The following PARP15 variants were observed in gnomAD, a reference collection of about 807,000 sequenced individuals.
PARP15 encodes protein mono-ADP-ribosyltransferase PARP15.
Under a neutral mutation model 62.1 loss-of-function variants are expected in PARP15, and 50 were observed. That is an observed-to-expected ratio of 0.81 (90% CI 0.64 to 1.02). The LOEUF is 1.02. Ranked by LOEUF, PARP15 falls within the 50% of genes least tolerant of loss-of-function variation. The pLI is 0.00. For missense variants in PARP15, 820 were observed against 826.5 expected (o/e 0.99, Z 0.10); for synonymous variants, 309 against 293.1 (o/e 1.05, Z -0.55).
intron 1 of PARP15, among the ~76,000 whole-genome samples, chr3:122,588,619 C>T (rs6438752): frequency 0.37 from 56,429 of 151,856 alleles, 10,913 homozygotes; most frequent in Admixed American, 0.46. Flanking sequence ...GATTGCGCCA[C>T]TGCACTCCAG....
At chr3:122,635,702 C>T (rs1937320252) in intron 11 of PARP15, 109 bp from the exon 12 acceptor site, 1 of 1,274,740 alleles carries the variant, frequency 7.8e-7, no homozygotes, top group African/African-American at 1.5e-5. Flanking sequence ...CATGAGCCAA[C>T]ACACCTGGCT....
intron 1 of PARP15, among the ~76,000 whole-genome samples, chr3:122,580,031 A>ATATATATC (rs2080770800): frequency 7.4e-6 from 1 of 134,888 alleles, no homozygotes; most frequent in Non-Finnish European, 1.6e-5. Flanking sequence ...ATATATATAT[A>ATATATATC]TATATGCACG....
chr3:122,622,370 G>A (rs1446745779), intron 8 of PARP15, among the ~76,000 whole-genome samples: 5 of 152,212 alleles, frequency 3.3e-5, no homozygotes, highest in Admixed American at 6.5e-5. Flanking sequence ...GGGCTTTCTC[G>A]TTTCCTCCTT....
At chr3:122,581,680 T>G (rs141503240) in intron 1 of PARP15, among the ~76,000 whole-genome samples, 27 of 152,354 alleles carry the variant, frequency 1.8e-4, no homozygotes, top group African/African-American at 5.8e-4. Context: ...TATTTTCTCC[T>G]GTTCTGTAGG....
rs1553725411 is a variant in PARP15 at position 122,579,999 on chromosome 3, G to GTATGTATA, written c.186+2149_186+2150insGTATATAT. On this transcript the variant is annotated intron_variant, in intron 1 of 11. Coordinates refer to ENST00000464300, the MANE Select transcript of PARP15 (RefSeq NM_001113523.3). The stretch of plus-strand genomic sequence containing the variant: ...GTCTGAACAACAACAGCAACTATAT[G>GTATGTATA]TATATATATATATATATATATATAT... 7.3e-4 allele frequency among the ~76,000 whole-genome samples: 47 copies of GTATGTATA among 64,456 alleles called. 1 individual carries two copies. Among genetic ancestry groups the GTATGTATA allele is most frequent in the African/African-American group, 2.2e-3 (44 of 20,162 alleles). 42.3% of individuals were successfully genotyped at this position (64,456 alleles called of 152,430 possible).
At chr3:122,581,272 T>C (rs934471916) in intron 1 of PARP15, among the ~76,000 whole-genome samples, 1 of 152,262 alleles carries the variant, frequency 6.6e-6, no homozygotes, top group Admixed American at 6.5e-5. Context: ...TTTAATTTTT[T>C]TGGGACTGCC....
intron 1 of PARP15, among the ~76,000 whole-genome samples, chr3:122,584,312 G>C (rs1226638581): frequency 6.6e-6 from 1 of 151,876 alleles, no homozygotes; most frequent in African/African-American, 2.4e-5. Context: ...ACTTAATTTA[G>C]GGTCTTCCAG....
chr3:122,599,275 A>G (rs1418597744), intron 1 of PARP15, among the ~76,000 whole-genome samples: 1 of 152,028 alleles, frequency 6.6e-6, no homozygotes, highest in Non-Finnish European at 1.5e-5. Flanking sequence ...AGCCGAGGTG[A>G]GAGGAAGATC....
Position 122,612,900 on chromosome 3 carries a change from G to T in PARP15, c.544-141G>T. ...CTGGAAAGTACTCTGCCCTGTTTTT[G>T]TTTCCTCTTTCTGACTTCTCAGGCC... is the stretch of plus-strand genomic sequence containing the variant. On this transcript the variant is annotated intron_variant, in intron 3 of 11. Coordinates refer to ENST00000464300, the MANE Select transcript of PARP15 (RefSeq NM_001113523.3). 21 of 700,114 alleles carry T rather than the reference G, an allele frequency of 3.0e-5. No homozygotes were observed. Among genetic ancestry groups the T allele is most frequent in the Admixed American group, 2.9e-4 (11 of 37,834 alleles). The allele number at this position is 700,114 out of a possible 1,614,324, so 43.4% of individuals were successfully genotyped here.
At chr3:122,630,594 G>C (rs1336092415) in intron 9 of PARP15, among the ~76,000 whole-genome samples, 1 of 152,054 alleles carries the variant, frequency 6.6e-6, no homozygotes, top group Admixed American at 6.6e-5. Flanking sequence ...TGGGAGGATT[G>C]CCTGAGCCCA....
intron 1 of PARP15, among the ~76,000 whole-genome samples, chr3:122,589,887 A>ATTT (rs1559928879): frequency 1.5e-5 from 2 of 130,384 alleles, no homozygotes; most frequent in African/African-American, 2.9e-5. Flanking sequence ...GTAAGGCATA[A>ATTT]CTTTTTTTTT....
At chr3:122,606,343 C>G (rs1233114585) in intron 2 of PARP15, among the ~76,000 whole-genome samples, 1 of 152,134 alleles carries the variant, frequency 6.6e-6, no homozygotes, top group East Asian at 1.9e-4. Flanking sequence ...TACTCTCAAC[C>G]CAGTTCTATT....
chr3:122,625,500 C>T (rs548448281), intron 8 of PARP15, among the ~76,000 whole-genome samples: 5 of 152,178 alleles, frequency 3.3e-5, no homozygotes, highest in African/African-American at 4.8e-5. Flanking sequence ...GTGATCTGCA[C>T]GCCTTGGCCT....
Position 122,577,846 on chromosome 3 carries a change from G to A in PARP15, c.179G>A (p.Arg60Gln), listed in dbSNP as rs1358725824. 2.3e-5 allele frequency: 35 copies of A among 1,548,408 alleles called. No homozygotes were observed. The highest frequency in any genetic ancestry group is 2.4e-5 in the East Asian group (1 of 40,890). Residue 60 changes from arginine to glutamine, a missense_variant, in exon 1 of 12, where the codon CGG (arginine) becomes CAG (glutamine). Around this residue, in one of 3 missense-constraint regions of PARP15, gnomAD observed 731 missense variants for 727.7 expected, o/e 1.00. Transcript: ENST00000464300. The part of the protein sequence containing the change: ...ARKASRRSSS[R>Q]SMSRDNKFSK... ...AAGGCCTCCCGGCGCTCTTCCTCCC[G>A]GAGTATGGTGAGGAGCGCGGGGGAC...
rs539651232 is a variant in PARP15 at position 122,600,285 on chromosome 3, T to C, written c.187-5651T>C. On this transcript the variant is annotated intron_variant, in intron 1 of 11. Coordinates refer to ENST00000464300, the MANE Select transcript of PARP15 (RefSeq NM_001113523.3). ...AAAAAGGCAAAAGAGTTCACTTAGA[T>C]GTAAAACCAGACCACTAAGTGATGG... Among the ~76,000 whole-genome samples the C allele has an allele frequency of 8.2e-4, 125 of 152,218 alleles. 1 individual carries two copies. Among genetic ancestry groups the C allele is most frequent in the African/African-American group, 2.8e-3 (116 of 41,542 alleles).
chr3:122,583,308 G>C (rs1179097762), intron 1 of PARP15, among the ~76,000 whole-genome samples: 1 of 149,630 alleles, frequency 6.7e-6, no homozygotes, highest in Non-Finnish European at 1.5e-5. Context: ...TGTATTTTTA[G>C]TAGAGATAGG....
intron 10 of PARP15, among the ~76,000 whole-genome samples, chr3:122,634,220 C>A (rs1316180413): frequency 6.6e-6 from 1 of 152,152 alleles, no homozygotes; most frequent in Non-Finnish European, 1.5e-5. Context: ...TCTGGAGCCC[C>A]TTCCTATATT....
intron 9 of PARP15, 97 bp from the exon 10 acceptor site, chr3:122,631,989 G>T (rs1937082846): frequency 2.2e-6 from 3 of 1,380,926 alleles, no homozygotes; most frequent in South Asian, 2.4e-5. Flanking sequence ...TTAAAGACCA[G>T]GTTTGGATGA....
chr3:122,613,758 G>A (rs183858752), intron 4 of PARP15, among the ~76,000 whole-genome samples: 1 of 146,832 alleles, frequency 6.8e-6, no homozygotes, highest in Non-Finnish European at 1.5e-5. Flanking sequence ...GTATACTTAG[G>A]TTTAATCTCA....
Sources: allele counts gnomAD v4.1 joint callset (sites outside exome capture counted in the v4.1 genomes callset), GRCh38; gene constraint gnomAD v4.1.1; regional missense constraint gnomAD v4.1.1; transcripts MANE v1.5; gene names NCBI Gene and HGNC (gene_info 2026-07-23, HGNC 2026-07-21).